NAV3: variants seen among roughly 807,000 people sequenced by gnomAD.
The protein encoded by NAV3 is pore membrane and/or filament interacting like protein 1.
In NAV3, 87 loss-of-function variants were observed where a neutral mutation model predicts 244.7. That is an observed-to-expected ratio of 0.36 (90% CI 0.30 to 0.42). The LOEUF (loss-of-function observed/expected upper bound fraction) is 0.42, where lower values mean the gene tolerates loss of function less well. NAV3 is among the 20% of genes least tolerant of loss of function. The pLI, the probability that NAV3 is intolerant of heterozygous loss-of-function variation, is 1.00. For synonymous variants in NAV3, 1,126 were observed against 1,042.2 expected (o/e 1.08, Z -1.55); for missense variants, 2,663 against 2,893.3 (o/e 0.92, Z 1.83).
chr12:77,894,152 G>T (rs1251494748), intron 1 of NAV3, among the ~76,000 whole-genome samples: 1 of 152,046 alleles, frequency 6.6e-6, no homozygotes, highest in African/African-American at 2.4e-5. Context: ...GTTGATGTTG[G>T]AACTTTGCCC....
intron 2 of NAV3, among the ~76,000 whole-genome samples, chr12:77,692,891 CAT>C (rs1417911669): frequency 6.6e-6 from 1 of 152,006 alleles, no homozygotes; most frequent in East Asian, 1.9e-4. Context: ...ATACTAGAAA[CAT>C]AACATCAGGG....
intron 2 of NAV3, among the ~76,000 whole-genome samples, chr12:77,755,584 T>TTTCCTTTCCTTTCCTG (rs1869112184): frequency 3.6e-5 from 1 of 28,166 alleles, no homozygotes; most frequent in African/African-American, 2.1e-4. Context: ...TTTCCTTTCC[T>TTTCCTTTCCTTTCCTG]CCCTCCCTCC....
At chr12:77,711,081 T>G (rs1166926251) in intron 2 of NAV3, among the ~76,000 whole-genome samples, 1 of 152,212 alleles carries the variant, frequency 6.6e-6, no homozygotes, top group Non-Finnish European at 1.5e-5. Context: ...AACCGGAAAT[T>G]ATGTATGTTG....
chr12:77,971,793 T>C (rs1398046770), intron 5 of NAV3, among the ~76,000 whole-genome samples: 2 of 152,156 alleles, frequency 1.3e-5, no homozygotes, highest in Non-Finnish European at 2.9e-5. Context: ...AAAATGTTCT[T>C]ATATTTTTCT....
intron 2 of NAV3, among the ~76,000 whole-genome samples, chr12:77,739,011 C>CAAAAAAAAAAAAAAAAAA (rs1168641355): frequency 1.6e-5 from 1 of 64,068 alleles, no homozygotes; most frequent in African/African-American, 6.8e-5. Flanking sequence ...GACTCCGTCT[C>CAAAAAAAAAAAAAAAAAA]AAAAAAAAAA....
intron 1 of NAV3, among the ~76,000 whole-genome samples, chr12:77,933,601 A>G (rs746485523): frequency 3.3e-5 from 5 of 152,212 alleles, no homozygotes; most frequent in Non-Finnish European, 7.3e-5. Context: ...ATTGAGGTGA[A>G]CTATCTGTAC....
At chr12:77,861,718 A>C (rs1879283523) in intron 1 of NAV3, among the ~76,000 whole-genome samples, 1 of 151,806 alleles carries the variant, frequency 6.6e-6, no homozygotes, top group South Asian at 2.1e-4. Context: ...TTATTGAAAA[A>C]ACAGAAATCT....
At chr12:77,803,944 T>A (rs1274120175) in intron 2 of NAV3, among the ~76,000 whole-genome samples, 1 of 152,246 alleles carries the variant, frequency 6.6e-6, no homozygotes, top group African/African-American at 2.4e-5. Context: ...AAGTGTTTGT[T>A]CATATCCTTC....
chr12:78,045,235 T>G (rs1280798059), intron 9 of NAV3, among the ~76,000 whole-genome samples: 1 of 152,184 alleles, frequency 6.6e-6, no homozygotes, highest in Admixed American at 6.5e-5. Context: ...TTACATTTAT[T>G]GATTTGCATA....
intron 2 of NAV3, among the ~76,000 whole-genome samples, chr12:77,792,950 T>C (rs1255697552): frequency 2.0e-5 from 3 of 152,222 alleles, no homozygotes; most frequent in Non-Finnish European, 4.4e-5. Flanking sequence ...TGCTGGGTCA[T>C]GGCTAATTCA....
chr12:77,584,961 T>C (rs1403951611), intron 2 of NAV3, among the ~76,000 whole-genome samples: 1 of 152,182 alleles, frequency 6.6e-6, no homozygotes, highest in Non-Finnish European at 1.5e-5. Context: ...AATTCTTGAG[T>C]GGCATTGAAG....
chr12:77,661,116 G>C (rs1401735868), intron 2 of NAV3, among the ~76,000 whole-genome samples: 1 of 151,986 alleles, frequency 6.6e-6, no homozygotes, highest in African/African-American at 2.4e-5. Flanking sequence ...AGAGATTGTT[G>C]ACTAGAATGC....
intron 2 of NAV3, among the ~76,000 whole-genome samples, chr12:77,799,016 G>A (rs1464503211): frequency 6.6e-6 from 1 of 152,106 alleles, no homozygotes; most frequent in African/African-American, 2.4e-5. Context: ...GCAGTCAGCC[G>A]CTGGTCTCTG....
intron 1 of NAV3, among the ~76,000 whole-genome samples, chr12:77,881,362 G>C (rs959862186): frequency 6.6e-6 from 1 of 152,110 alleles, no homozygotes; most frequent in Non-Finnish European, 1.5e-5. Context: ...CAGTAGCTCA[G>C]CTGAACTTTT....
intron 1 of NAV3, among the ~76,000 whole-genome samples, chr12:77,932,054 T>A (rs1400557884): frequency 6.6e-6 from 1 of 152,052 alleles, no homozygotes; most frequent in Non-Finnish European, 1.5e-5. Context: ...ATGATCATTG[T>A]TGTCAAAGAC....
At chr12:77,821,888 T>A (rs1872759143) in intron 2 of NAV3, among the ~76,000 whole-genome samples, 1 of 152,156 alleles carries the variant, frequency 6.6e-6, no homozygotes, top group African/African-American at 2.4e-5. Flanking sequence ...AACTGTTTTT[T>A]TAGGTTGCAT....
chr12:77,586,333 A>G (rs1203612202), intron 2 of NAV3, among the ~76,000 whole-genome samples: 1 of 152,212 alleles, frequency 6.6e-6, no homozygotes, highest in African/African-American at 2.4e-5. Flanking sequence ...AATGAATATT[A>G]TAATCAGCTT....
intron 1 of NAV3, among the ~76,000 whole-genome samples, chr12:77,903,911 C>T (rs1373018381): frequency 2.6e-5 from 4 of 152,082 alleles, no homozygotes; most frequent in South Asian, 2.1e-4. Flanking sequence ...TCATCACTGG[C>T]CATCAGAGAA....
chr12:78,047,992 A>G (rs1463593856), intron 9 of NAV3, among the ~76,000 whole-genome samples: 1 of 151,452 alleles, frequency 6.6e-6, no homozygotes, highest in East Asian at 1.9e-4. Context: ...CTTCCCCTCT[A>G]TCTATTTGGC....
Sources: gnomAD v4.1 joint callset for allele counts (sites outside exome capture counted in the v4.1 genomes callset) on GRCh38, gnomAD v4.1.1 for gene constraint, MANE v1.5 for transcripts, NCBI Gene and HGNC (gene_info 2026-07-23, HGNC 2026-07-21) for gene names.